Variants in CHRD observed in about 807,000 individuals in gnomAD.
The protein encoded by CHRD is chordin.
CHRD carries 69 observed loss-of-function variants against 113.7 expected under a neutral mutation model. That is an observed-to-expected ratio of 0.61 (90% CI 0.50 to 0.74). The LOEUF (loss-of-function observed/expected upper bound fraction) is 0.74. Among genes scored for constraint, CHRD ranks in the 30% least tolerant of loss-of-function variants. The pLI, the probability that CHRD is intolerant of heterozygous loss-of-function variation, is 0.00. For missense variants in CHRD, 1,194 were observed against 1,295.8 expected (o/e 0.92, Z 1.21); for synonymous variants, 561 against 540.8 (o/e 1.04, Z -0.52).
chr3:184,388,594 G>T lies in CHRD; in HGVS notation c.2562G>T (p.Ser854=). Residue 854 remains serine, a synonymous_variant, in exon 21 of 23, where the codon TCG becomes TCT. Transcript: ENST00000204604. The surrounding 1 kb of genome is among the most constrained non-coding windows in gnomAD (Gnocchi z 6.1). ...CTCTTTCCCTCTCAACAGTGGGGTC[G>T]GGGGCCCACCCCCAGCTGGGGGACC... 5.6e-6 allele frequency: 9 copies of T among 1,610,054 alleles called. No homozygotes were observed. The highest frequency in any genetic ancestry group is 5.9e-6 in the Non-Finnish European group (7 of 1,179,766).
At position 184,388,905 on chromosome 3, in the gene CHRD, C is replaced by A; in HGVS notation, c.2722C>A (p.His908Asn). 2.5e-6 allele frequency: 4 copies of A among 1,613,252 alleles called. No homozygotes were observed. The highest frequency in any genetic ancestry group is 3.4e-6 in the Non-Finnish European group (4 of 1,179,820). ...TGTCTTGTACCAGGCAGGGGTGCCT[C>A]ACTGTGAGCGGGATGACTGTTCACT... The change falls in exon 22 of 23, where the codon CAC becomes AAC. Residue 908 changes from histidine (H) to asparagine (N), a missense_variant. His to Asn is a moderately conservative substitution (Grantham distance 68, BLOSUM62 1). Transcript: ENST00000204604. The surrounding 1 kb of genome is among the most constrained non-coding windows in gnomAD (Gnocchi z 6.1).
At position 184,381,304 on chromosome 3, in the gene CHRD, A is replaced by T. The variant is rs1265075233; in HGVS notation, c.322A>T (p.Thr108Ser). ...CAAGAACATCAAACCAGAGTGCCCAACCCCGGCCTGTGGGCAGCCGCGCCA... is the reference window on the plus strand; with the variant it reads ...CAAGAACATCAAACCAGAGTGCCCATCCCCGGCCTGTGGGCAGCCGCGCCA... Residue 108 changes from threonine to serine, a missense_variant, in exon 3 of 23, where the codon ACC (threonine) becomes TCC (serine). Transcript: ENST00000204604. This position sits in a 1 kb window ranked among gnomAD's most constrained non-coding sequence, Gnocchi z 4.7. 2 of 1,610,566 alleles carry T rather than the reference A, an allele frequency of 1.2e-6. No individual in the cohort carries two copies. Among genetic ancestry groups the T allele is most frequent in the African/African-American group, 2.7e-5 (2 of 74,810 alleles).
At chr3:184,386,409 T>C in intron 15 of CHRD, 83 bp from the exon 16 acceptor site, 1 of 1,504,828 alleles carries the variant, frequency 6.6e-7, no homozygotes, top group Non-Finnish European at 8.9e-7. Context: ...GGGGCCGAGG[T>C]GTCTCCTGCT....
rs781504821 is a variant in CHRD, at chr3:184,388,690, C to T, written c.2658C>T (p.His886=). 1.7e-5 allele frequency: 28 copies of T among 1,613,940 alleles called. No individual in the cohort carries two copies. The South Asian group carries it at 2.6e-4, about 15-fold the overall frequency. ...GGTTCCCAGAGAGTCAGAGCTGGCA[C>T]CCCTCAGTGCCCCCTTTTGGAGAGA... The change falls in exon 21 of 23, where the codon CAC becomes CAT. Residue 886 remains histidine, a synonymous_variant. Transcript: ENST00000204604. The surrounding 1 kb of genome is among the most constrained non-coding windows in gnomAD (Gnocchi z 6.1).
chr3:184,386,383 C>A, intron 15 of CHRD, 109 bp from the exon 16 acceptor site: 1 of 1,440,360 alleles, frequency 6.9e-7, no homozygotes, highest in Non-Finnish European at 9.3e-7. Context: ...TCCTCCTGGG[C>A]CACTGCAGCG....
At position 184,388,490 on chromosome 3, in the gene CHRD, A is replaced by G; in HGVS notation, c.2555-97A>G. 3 of 1,386,858 alleles carry G rather than the reference A, an allele frequency of 2.2e-6. No homozygotes were observed. The highest frequency in any genetic ancestry group is 2.9e-6 in the Non-Finnish European group (3 of 1,026,672). 85.9% of individuals were successfully genotyped at this position (1,386,858 alleles called of 1,614,324 possible). A position where few individuals can be genotyped will look rare whatever the true frequency, so the allele number is the denominator to read the frequency against. On this transcript the variant is annotated intron_variant, in intron 20 of 22. Coordinates refer to ENST00000204604, the Ensembl canonical transcript of CHRD. The surrounding 1 kb of genome is among the most constrained non-coding windows in gnomAD (Gnocchi z 6.1). ...ACCCATCCAAATTTATCACCTACTA[A>G]GTGCCAGAAACTGCAACGTGCTGGG...
Position 184,387,070 on chromosome 3 carries a change from C to T in CHRD, c.2310C>T (p.Asp770=), listed in dbSNP as rs1038349275. Residue 770 remains aspartate (D), a synonymous_variant, in exon 18 of 23, where the codon GAC becomes GAT. Coordinates refer to ENST00000204604, the Ensembl canonical transcript of CHRD. This position sits in a 1 kb window ranked among gnomAD's most constrained non-coding sequence, Gnocchi z 6.1. ...CCACAGAGAAACAAGATGTCAGAGA[C>T]TTGCCAGGGCTGCCAAGGAGCCGGG... is the stretch of plus-strand genomic sequence containing the variant. 8.1e-6 allele frequency: 13 copies of T among 1,614,024 alleles called. No homozygotes were observed. The highest frequency in any genetic ancestry group is 6.6e-5 in the South Asian group (6 of 91,082).
chr3:184,382,317 C>T (rs898230020), intron 6 of CHRD, 72 bp from the exon 7 acceptor site: 10 of 1,595,080 alleles, frequency 6.3e-6, no homozygotes, highest in Non-Finnish European at 8.6e-6. Context: ...TTCATAAGCC[C>T]TGCCTGGGCA....
Position 184,380,717 on chromosome 3 carries a change from T to C in CHRD, c.174T>C (p.Tyr58=), listed in dbSNP as rs777220814. ...GCTGCACCTTCGGCGGGAAGGTCTA[T>C]GCCTTGGACGAGACGTGGCACCCGG... Residue 58 remains tyrosine (Y), a synonymous_variant, in exon 2 of 23, where the codon TAT becomes TAC. Transcript: ENST00000204604. The surrounding 1 kb of genome is among the most constrained non-coding windows in gnomAD (Gnocchi z 6.3). The C allele has an allele frequency of 5.6e-6, 9 of 1,597,544 alleles. No individual in the cohort carries two copies. In the African/African-American group the frequency reaches 8.1e-5, roughly 14 times the overall value.
rs895017390 is a variant in CHRD at position 184,384,097 on chromosome 3, C to T, written c.1441-440C>T. Among the ~76,000 whole-genome samples the T allele has an allele frequency of 5.3e-5, 8 of 151,984 alleles. No individual in the cohort carries two copies. Among genetic ancestry groups the T allele is most frequent in the Non-Finnish European group, 1.0e-4 (7 of 68,008 alleles). On this transcript the variant is annotated intron_variant, in intron 12 of 22. Transcript: ENST00000204604. This position sits in a 1 kb window ranked among gnomAD's most constrained non-coding sequence, Gnocchi z 4.4. ...GCATGATTTGACATTTTTAGTGAGCCCCAGACTAGGGACTAGAGTACAAAG... is the reference window on the plus strand; with the variant it reads ...GCATGATTTGACATTTTTAGTGAGCTCCAGACTAGGGACTAGAGTACAAAG...
Position 184,387,001 on chromosome 3 carries a change from G to C in CHRD, c.2291-50G>C, listed in dbSNP as rs751060955. 6.2e-7 allele frequency: 1 copy of C among 1,613,906 alleles called. No individual in the cohort carries two copies. The highest frequency in any genetic ancestry group is 1.7e-5 in the Admixed American group (1 of 60,028). ...CCAGTGCGGACAGGTCCTTTGGGGAGGGAATGAGGGTGGTCACTCTCTGCT... is the reference window on the plus strand; with the variant it reads ...CCAGTGCGGACAGGTCCTTTGGGGACGGAATGAGGGTGGTCACTCTCTGCT... On this transcript the variant is annotated intron_variant, in intron 17 of 22. Coordinates refer to ENST00000204604, the Ensembl canonical transcript of CHRD. The surrounding 1 kb of genome is among the most constrained non-coding windows in gnomAD (Gnocchi z 6.1).
rs147593063 is a variant in CHRD, at chr3:184,382,417, G to T, written c.728G>T (p.Arg243Leu). The T allele has an allele frequency of 8.9e-5, 144 of 1,614,046 alleles. No homozygotes were observed. The African/African-American group carries it at 1.7e-3, about 19-fold the overall frequency. ...TGTGGGGTGTGGCGGGCAGTGCCTC[G>T]GTTGTCTCTGCGGCTCCTTAGGGCA... Residue 243 changes from arginine (R) to leucine (L), a missense_variant, in exon 7 of 23, where the codon CGG becomes CTG. Arg to Leu is a moderately radical substitution (Grantham distance 102). Coordinates refer to ENST00000204604, the Ensembl canonical transcript of CHRD.
rs1716643378 is a variant in CHRD at position 184,388,249 on chromosome 3, ATCCAT to A, written c.2554+217_2554+221del. ...GCTCCATCCATCCGTCCATCCATCC[ATCCAT>A]CCATCCATCCATCCATCCATCCATC... is the stretch of plus-strand genomic sequence containing the variant. On this transcript the variant is annotated intron_variant, in intron 20 of 22. Transcript: ENST00000204604. This position sits in a 1 kb window ranked among gnomAD's most constrained non-coding sequence, Gnocchi z 6.1. Among the ~76,000 whole-genome samples, 5 of 130,406 alleles carry A rather than the reference ATCCAT, an allele frequency of 3.8e-5. No homozygotes were observed. In the Admixed American group the frequency reaches 4.1e-4, roughly 11 times the overall value. 85.6% of individuals were successfully genotyped at this position (130,406 alleles called of 152,430 possible).
chr3:184,380,738 C>A lies in CHRD; in HGVS notation c.195C>A (p.His65Gln). The A allele has an allele frequency of 6.3e-7, 1 of 1,599,890 alleles. No homozygotes were observed. The highest frequency in any genetic ancestry group is 8.5e-7 in the Non-Finnish European group (1 of 1,177,046). Residue 65 changes from histidine to glutamine, a missense_variant, in exon 2 of 23, where the codon CAC becomes CAA. By Grantham distance (24) the His-to-Gln change is conservative (BLOSUM62 0). Transcript: ENST00000204604. This position sits in a 1 kb window ranked among gnomAD's most constrained non-coding sequence, Gnocchi z 6.3. ...TCTATGCCTTGGACGAGACGTGGCA[C>A]CCGGACCTAGGGGAGCCATTCGGGG...
In CHRD at chr3:184,388,594, G is replaced by C; in HGVS notation, c.2562G>C (p.Ser854=). Reference sequence around the variant, plus strand: ...CTCTTTCCCTCTCAACAGTGGGGTCGGGGGCCCACCCCCAGCTGGGGGACC... The same window carrying C: ...CTCTTTCCCTCTCAACAGTGGGGTCCGGGGCCCACCCCCAGCTGGGGGACC... Residue 854 remains serine (S), a synonymous_variant, in exon 21 of 23, where the codon TCG becomes TCC. Coordinates refer to ENST00000204604, the Ensembl canonical transcript of CHRD. This position sits in a 1 kb window ranked among gnomAD's most constrained non-coding sequence, Gnocchi z 6.1. The C allele has an allele frequency of 1.2e-6, 2 of 1,610,056 alleles. No individual in the cohort carries two copies. The highest frequency in any genetic ancestry group is 1.7e-6 in the Non-Finnish European group (2 of 1,179,768).
rs980833271 is a variant in CHRD, at chr3:184,381,520, C to G, written c.407C>G (p.Pro136Arg). Residue 136 changes from proline to arginine, a missense_variant, in exon 4 of 23, where the codon CCG becomes CGG. Physicochemically the swap from Pro to Arg is moderately radical, Grantham distance 103. Transcript: ENST00000204604. This position sits in a 1 kb window ranked among gnomAD's most constrained non-coding sequence, Gnocchi z 4.7. Reference sequence around the variant, plus strand: ...GAGCGCAGCAGTTCGGAGCGGCAGCCGAGCGGCCTGTCCTTCGAGTATCCG... The same window carrying G: ...GAGCGCAGCAGTTCGGAGCGGCAGCGGAGCGGCCTGTCCTTCGAGTATCCG... The G allele has an allele frequency of 5.6e-6, 9 of 1,600,976 alleles. No homozygotes were observed. Among genetic ancestry groups the G allele is most frequent in the Non-Finnish European group, 7.7e-6 (9 of 1,174,186 alleles).
chr3:184,386,668 C>T (rs1395718891), exon 16 of CHRD: 5 of 1,612,228 alleles, frequency 3.1e-6, no homozygotes, highest in Non-Finnish European at 3.4e-6. Context: ...GAGACCCCAA[C>T]ACATGCTTCT....
intron 22 of CHRD, 92 bp downstream of exon 22, chr3:184,389,087 C>T (rs1716826135): frequency 1.1e-6 from 1 of 903,756 alleles, no homozygotes; most frequent in Non-Finnish European, 1.7e-6. Context: ...TCACTGTGTG[C>T]AGGAACAGTG....
At chr3:184,386,630 G>T (rs758602549) in exon 16 of CHRD, 1 of 1,609,000 alleles carries the variant, frequency 6.2e-7, no homozygotes, top group South Asian at 1.1e-5. Flanking sequence ...CCTAGCGCCC[G>T]CCAAACCTGG....
Sources: gnomAD v4.1 joint callset for allele counts (sites outside exome capture counted in the v4.1 genomes callset) on GRCh38, gnomAD v4.1.1 for gene constraint, Gnocchi (gnomAD v3.1) non-coding constraint, MANE v1.5 for transcripts, NCBI Gene and HGNC (gene_info 2026-07-23, HGNC 2026-07-21) for gene names.